Variants in EPHA6 observed in about 807,000 individuals in gnomAD.
EPHA6 encodes the protein ephrin type-A receptor 6.
EPHA6 carries 50 observed loss-of-function variants against 112.0 expected under a neutral mutation model. The ratio of observed to expected loss-of-function variants is 0.45; its 90% CI spans 0.36 to 0.56. EPHA6 has a LOEUF of 0.56. Ranked by LOEUF, EPHA6 falls within the 20% of genes least tolerant of loss-of-function variation. EPHA6 has a pLI of 0.00. For synonymous variants in EPHA6, 529 were observed against 490.7 expected, an observed-to-expected ratio of 1.08 and a Z score of -1.03; for missense variants, 1,280 against 1,417.4, an observed-to-expected ratio of 0.90 and a Z score of 1.56.
intron 1 of EPHA6, among the ~76,000 whole-genome samples, chr3:96,864,331 A>G (rs1485927299): frequency 6.6e-6 from 1 of 152,118 alleles, no homozygotes; most frequent in African/African-American, 2.4e-5. Context: ...GATGTCCATC[A>G]ACTAGGGAAT....
intron 14 of EPHA6, among the ~76,000 whole-genome samples, chr3:97,665,979 C>A (rs549673508): frequency 5.3e-5 from 8 of 152,006 alleles, no homozygotes; most frequent in African/African-American, 1.9e-4. Flanking sequence ...ATCACTTGAA[C>A]CAGGGAGGCG....
chr3:97,459,965 G>A (rs2090830407), intron 7 of EPHA6, among the ~76,000 whole-genome samples: 1 of 152,148 alleles, frequency 6.6e-6, no homozygotes, highest in Non-Finnish European at 1.5e-5. Flanking sequence ...GAGAAAACTG[G>A]AGCTAAGCCA....
chr3:97,155,581 T>A (rs1040299492), intron 3 of EPHA6, among the ~76,000 whole-genome samples: 27 of 152,246 alleles, frequency 1.8e-4, no homozygotes, highest in African/African-American at 5.8e-4. Context: ...CTGACATCAT[T>A]GTTCTGAGTT....
intron 3 of EPHA6, among the ~76,000 whole-genome samples, chr3:97,015,426 T>G (rs1393897907): frequency 6.6e-6 from 1 of 152,202 alleles, no homozygotes; most frequent in Non-Finnish European, 1.5e-5. Context: ...ATAGCCAGTT[T>G]CATTTCTTAA....
At chr3:96,988,533 A>G (rs1474606818) in intron 3 of EPHA6, among the ~76,000 whole-genome samples, 1 of 152,196 alleles carries the variant, frequency 6.6e-6, no homozygotes, top group Non-Finnish European at 1.5e-5. Flanking sequence ...ATATTGAATT[A>G]TAATACTTGA....
intron 3 of EPHA6, among the ~76,000 whole-genome samples, chr3:97,057,778 C>A (rs915396846): frequency 2.6e-5 from 4 of 152,194 alleles, no homozygotes; most frequent in African/African-American, 7.2e-5. Flanking sequence ...TCTACTTCTG[C>A]ATGAAAGAAC....
At position 97,501,189 on chromosome 3, in the gene EPHA6, C is replaced by A. The variant is rs146818525; in HGVS notation, c.2200+17130C>A. On this transcript the variant is annotated intron_variant, in intron 10 of 17. Transcript: ENST00000389672. ...AGTTTTGATGTGCTTTCTTTAATAA[C>A]TTCTATTACCCAAGGAATAAATTGA... Among the ~76,000 whole-genome samples the A allele has an allele frequency of 3.2e-3, 480 of 152,242 alleles. 3 individuals are homozygous for A. Among genetic ancestry groups the A allele is most frequent in the African/African-American group, 0.011 (464 of 41,546 alleles).
intron 6 of EPHA6, among the ~76,000 whole-genome samples, chr3:97,443,763 CATATA>C: frequency 6.6e-6 from 1 of 152,024 alleles, no homozygotes; most frequent in Non-Finnish European, 1.5e-5. Context: ...ACTAGTTGTT[CATATA>C]AACATAGTCT....
Position 96,814,600 on chromosome 3 carries a change from C to CGCGCAA in EPHA6, c.-20_-15dup. ...CTCTCCGGCCCAAGTGAATAGTCCT[C>CGCGCAA]GCGCAAGCGGGACACTGTGGTGGAT... On this transcript the variant is annotated 5_prime_UTR_variant, in exon 1 of 18. Transcript: ENST00000389672. 1 of 1,376,994 alleles carries CGCGCAA rather than the reference C, an allele frequency of 7.3e-7. No individual in the cohort carries two copies. Among genetic ancestry groups the CGCGCAA allele is most frequent in the South Asian group, 2.0e-5 (1 of 49,834 alleles). 85.3% of individuals were successfully genotyped at this position (1,376,994 alleles called of 1,614,324 possible).
Position 97,185,655 on chromosome 3 carries a change from C to T in EPHA6, c.1115-40609C>T, listed in dbSNP as rs576107637. Among the ~76,000 whole-genome samples the T allele has an allele frequency of 5.2e-3, 790 of 152,096 alleles. 19 individuals are homozygous for T. Among genetic ancestry groups the T allele is most frequent in the African/African-American group, 0.018 (746 of 41,460 alleles). ...TCAACCATTGTGGAAGTCAGTGTGG[C>T]GATTCCTCAGGGATCTAGAACTAGA... On this transcript the variant is annotated intron_variant, in intron 3 of 17. Transcript: ENST00000389672.
chr3:97,222,088 C>T (rs76494605), intron 3 of EPHA6, among the ~76,000 whole-genome samples: 2,296 of 150,752 alleles, frequency 0.015, 27 homozygotes, highest in Middle Eastern at 0.077. Context: ...GCCTGAAATA[C>T]GGTAGATATT....
chr3:97,609,769 C>T (rs1317735557), intron 12 of EPHA6, among the ~76,000 whole-genome samples: 1 of 151,474 alleles, frequency 6.6e-6, no homozygotes, highest in African/African-American at 2.4e-5. Context: ...CATTGGTACA[C>T]ATCAGTTCTT....
At chr3:97,388,749 G>A (rs541627854) in intron 5 of EPHA6, among the ~76,000 whole-genome samples, 1 of 152,106 alleles carries the variant, frequency 6.6e-6, no homozygotes, top group Non-Finnish European at 1.5e-5. Context: ...GGGGGAAAAA[G>A]ATCCTCATCA....
chr3:97,383,591 G>A (rs1166604098), intron 5 of EPHA6, among the ~76,000 whole-genome samples: 2 of 152,024 alleles, frequency 1.3e-5, no homozygotes, highest in African/African-American at 2.4e-5. Flanking sequence ...ATATTAGTTT[G>A]AATAAATGTT....
At chr3:97,254,291 C>G (rs565280725) in intron 5 of EPHA6, among the ~76,000 whole-genome samples, 5 of 152,186 alleles carry the variant, frequency 3.3e-5, no homozygotes, top group Non-Finnish European at 7.4e-5. Flanking sequence ...TGGGTTCAAG[C>G]GATTCTCTTG....
chr3:96,983,438 G>A (rs1198180683), intron 2 of EPHA6, among the ~76,000 whole-genome samples: 1 of 152,174 alleles, frequency 6.6e-6, no homozygotes, highest in Non-Finnish European at 1.5e-5. Context: ...AGTCTGATGG[G>A]TTTCCCTTTG....
At chr3:97,314,732 G>T (rs560632197) in intron 5 of EPHA6, among the ~76,000 whole-genome samples, 1 of 151,672 alleles carries the variant, frequency 6.6e-6, no homozygotes, top group African/African-American at 2.4e-5. Context: ...TAGGGAAGCA[G>T]AAGGAGTAGG....
At chr3:97,571,051 C>G (rs530705371) in intron 11 of EPHA6, among the ~76,000 whole-genome samples, 13 of 152,240 alleles carry the variant, frequency 8.5e-5, no homozygotes, top group Non-Finnish European at 1.2e-4. Context: ...AAAGAGGAGT[C>G]TGAAACTGGA....
At chr3:97,075,003 A>G (rs992290245) in intron 3 of EPHA6, among the ~76,000 whole-genome samples, 7 of 151,970 alleles carry the variant, frequency 4.6e-5, no homozygotes, top group African/African-American at 1.7e-4. Flanking sequence ...GATGTAGAAT[A>G]GTGTCTGCTT....
Sources: gnomAD v4.1 joint callset for allele counts (sites outside exome capture counted in the v4.1 genomes callset) on GRCh38, gnomAD v4.1.1 for gene constraint, MANE v1.5 for transcripts, NCBI Gene and HGNC (gene_info 2026-07-23, HGNC 2026-07-21) for gene names.